The following MSH4 variants were observed in gnomAD, a reference collection of about 807,000 sequenced individuals.
MSH4 encodes mutS homolog 4, also known as mutS protein homolog 4.
MSH4 carries 106 observed loss-of-function variants against 113.7 expected under a neutral mutation model. That is an observed-to-expected ratio of 0.93 (90% CI 0.80 to 1.10). MSH4 has a LOEUF of 1.10. Ranked by LOEUF, MSH4 falls within the 50% of genes least tolerant of loss-of-function variation. The pLI is 0.00. For synonymous variants in MSH4, 368 were observed against 380.2 expected, an observed-to-expected ratio of 0.97 and a Z score of 0.37; for missense variants, 1,061 against 1,093.7, an observed-to-expected ratio of 0.97 and a Z score of 0.42.
At chr1:75,823,968 T>G (rs1650488201) in intron 7 of MSH4, among the ~76,000 whole-genome samples, 1 of 152,146 alleles carries the variant, frequency 6.6e-6, no homozygotes, top group African/African-American at 2.4e-5. Flanking sequence ...GTAGAAAGAT[T>G]TATAATTTTT....
At chr1:75,819,826 T>C (rs1650369145) in intron 6 of MSH4, among the ~76,000 whole-genome samples, 1 of 152,168 alleles carries the variant, frequency 6.6e-6, no homozygotes, top group South Asian at 2.1e-4. Context: ...TTCTTATGGC[T>C]CAGCCTCCTG....
rs1376599093 is a variant in MSH4, at chr1:75,797,121, C to A, written c.136C>A (p.Gln46Lys). ...QETPQSRPSV[Q>K]VVSASTCPGT... ...GACTCCACAGAGCCGCCCTTCGGTC[C>A]AGGTGGTCTCTGCATCCACCTGTCC... is the stretch of plus-strand genomic sequence containing the variant. The change falls in exon 1 of 20, where the codon CAG becomes AAG. Residue 46 changes from glutamine (Q) to lysine (K), a missense_variant. Gln to Lys is a moderately conservative substitution (Grantham distance 53). Coordinates refer to ENST00000263187, the MANE Select transcript of MSH4 (RefSeq NM_002440.4). 1.2e-6 allele frequency: 2 copies of A among 1,613,952 alleles called. No individual in the cohort carries two copies. Among genetic ancestry groups the A allele is most frequent in the Non-Finnish European group, 1.7e-6 (2 of 1,179,898 alleles).
At chr1:75,897,644 T>C (rs1182165459) in intron 17 of MSH4, among the ~76,000 whole-genome samples, 1 of 152,196 alleles carries the variant, frequency 6.6e-6, no homozygotes, top group East Asian at 1.9e-4. Flanking sequence ...TAGGATTTTA[T>C]TTTCAGTTTT....
rs573858955 is a variant in MSH4, at chr1:75,796,894, C to T, written c.-92C>T. The T allele has an allele frequency of 4.2e-5, 65 of 1,564,722 alleles. 1 individual carries two copies. In the African/African-American group the frequency reaches 5.0e-4, roughly 12 times the overall value. On this transcript the variant is annotated 5_prime_UTR_variant, in exon 1 of 20. Transcript: ENST00000263187. Reference sequence around the variant, plus strand: ...TTAGTGCGTCGGCGCGCAGTTCTCCCGCCCGTTTCAGCGGCGCAGCTTCTG... The same window carrying T: ...TTAGTGCGTCGGCGCGCAGTTCTCCTGCCCGTTTCAGCGGCGCAGCTTCTG...
At chr1:75,874,280 A>T (rs965467341) in intron 9 of MSH4, among the ~76,000 whole-genome samples, 1 of 152,138 alleles carries the variant, frequency 6.6e-6, no homozygotes, top group Non-Finnish European at 1.5e-5. Context: ...TTGTAAATTT[A>T]AAAACACTTT....
intron 7 of MSH4, among the ~76,000 whole-genome samples, chr1:75,847,000 C>G (rs1651090070): frequency 2.0e-5 from 3 of 152,128 alleles, no homozygotes; most frequent in Non-Finnish European, 4.4e-5. Context: ...TGGGGAAGAT[C>G]AAAGTCAAGT....
intron 13 of MSH4, 61 bp downstream of exon 13, chr1:75,880,214 C>A: frequency 1.2e-6 from 1 of 862,096 alleles, no homozygotes; most frequent in African/African-American, 1.7e-5. Context: ...GAAACTGTTA[C>A]AATTGTATTA....
intron 10 of MSH4, 132 bp from the exon 11 acceptor site, chr1:75,878,017 T>G: frequency 1.5e-6 from 1 of 646,178 alleles, no homozygotes; most frequent in Non-Finnish European, 2.6e-6. Context: ...ATTTAAATAT[T>G]TGTTGCTTAA....
chr1:75,828,915 C>A (rs1183523295), intron 7 of MSH4, among the ~76,000 whole-genome samples: 1 of 152,118 alleles, frequency 6.6e-6, no homozygotes, highest in Non-Finnish European at 1.5e-5. Context: ...TCTGCATTTC[C>A]AACTGAGGTG....
intron 3 of MSH4, among the ~76,000 whole-genome samples, chr1:75,808,759 G>C (rs1650121889): frequency 6.6e-6 from 1 of 152,046 alleles, no homozygotes; most frequent in Admixed American, 6.6e-5. Flanking sequence ...TAGTATCTTA[G>C]ATCAGTCAGA....
chr1:75,881,558 T>G (rs1454940899), intron 14 of MSH4, among the ~76,000 whole-genome samples, 188 bp downstream of exon 14: 1 of 151,982 alleles, frequency 6.6e-6, no homozygotes, highest in African/African-American at 2.4e-5. Context: ...AAGTAAAAAT[T>G]ATTCTCTCAG....
chr1:75,816,582 G>GGT (rs1650298950), intron 6 of MSH4, 36 bp downstream of exon 6: 1 of 1,198,728 alleles, frequency 8.3e-7, no homozygotes, highest in African/African-American at 1.6e-5. Context: ...AAAATATATC[G>GGT]GTATATATAT....
At chr1:75,897,532 A>AT (rs1021584188) in intron 17 of MSH4, among the ~76,000 whole-genome samples, 8 of 151,764 alleles carry the variant, frequency 5.3e-5, no homozygotes, top group African/African-American at 1.2e-4. Context: ...GGAAAATATT[A>AT]TTTTTTTTGC....
chr1:75,844,584 C>T (rs1259780887), intron 7 of MSH4, among the ~76,000 whole-genome samples: 1 of 152,038 alleles, frequency 6.6e-6, no homozygotes, highest in East Asian at 1.9e-4. Context: ...CCTTGGCCTC[C>T]CAAAGTGCTG....
At chr1:75,822,288 CAAAAAAAAA>C (rs33965683) in intron 6 of MSH4, 112 bp from the exon 7 acceptor site, 2 of 387,192 alleles carry the variant, frequency 5.2e-6, no homozygotes, top group Non-Finnish European at 8.4e-6. Context: ...GACTCTGTTT[CAAAAAAAAA>C]AAAAAAAAAG....
At chr1:75,824,047 G>A (rs569142421) in intron 7 of MSH4, among the ~76,000 whole-genome samples, 30 of 152,148 alleles carry the variant, frequency 2.0e-4, no homozygotes, top group African/African-American at 7.0e-4. Flanking sequence ...TTGAGGAATC[G>A]CCACACTGTC....
At position 75,896,701 on chromosome 1, in the gene MSH4, C is replaced by T. The variant is rs570441406; in HGVS notation, c.2356-1206C>T. ...TAATTATTATTTTCTAACACAGTAT[C>T]CTTAGTGCCTAGCACAATTCTTGCA... On this transcript the variant is annotated intron_variant, in intron 17 of 19. Coordinates refer to ENST00000263187, the MANE Select transcript of MSH4 (RefSeq NM_002440.4). Among the ~76,000 whole-genome samples, 23 of 152,072 alleles carry T rather than the reference C, an allele frequency of 1.5e-4. No homozygotes were observed. The South Asian group carries it at 1.7e-3, about 11-fold the overall frequency.
At chr1:75,846,530 C>G in intron 7 of MSH4, among the ~76,000 whole-genome samples, 1 of 152,156 alleles carries the variant, frequency 6.6e-6, no homozygotes, top group East Asian at 1.9e-4. Flanking sequence ...GACATGGATA[C>G]AGTTCTGCCA....
Position 75,816,945 on chromosome 1 carries a change from T to C in MSH4, c.989+399T>C, listed in dbSNP as rs5745379. Among the ~76,000 whole-genome samples, 964 of 152,122 alleles carry C rather than the reference T, an allele frequency of 6.3e-3. 15 individuals carry two copies. The highest frequency in any genetic ancestry group is 0.035 in the Admixed American group (540 of 15,276). ...CTCAGCCTAAACTTCTTTGAATTAT[T>C]TGATGGAGAATTTTATTTAAGAGGT... On this transcript the variant is annotated intron_variant, in intron 6 of 19. Transcript: ENST00000263187.
Sources: gnomAD v4.1 joint callset for allele counts (sites outside exome capture counted in the v4.1 genomes callset) on GRCh38, gnomAD v4.1.1 for gene constraint, MANE v1.5 for transcripts, NCBI Gene and HGNC (gene_info 2026-07-23, HGNC 2026-07-21) for gene names.